MRGPRX3: variants seen among roughly 807,000 people sequenced by gnomAD.
MRGPRX3 encodes the protein mas-related G protein-coupled receptor member X3.
In MRGPRX3, 14 loss-of-function variants were observed where a neutral mutation model predicts 16.5. That is an observed-to-expected ratio of 0.85 (90% CI 0.56 to 1.33). The LOEUF is 1.33. MRGPRX3 is among the 40% of genes most tolerant of loss of function. The pLI is 0.00. For synonymous variants in MRGPRX3, 199 were observed against 180.1 expected (o/e 1.10, Z -0.84); for missense variants, 449 against 413.0 (o/e 1.09, Z -0.76).
chr11:18,132,630 C>CTG lies in MRGPRX3; in HGVS notation c.-134_-133dup, dbSNP rs1196897122. On this transcript the variant is annotated 5_prime_UTR_variant, in exon 1 of 2. Transcript: ENST00000621697. ...TCATTTCAGCTCCTGTAGGCATCTC[C>CTG]TGAATTAAGCAACACAGAAAAGTCC... 6.6e-6 allele frequency: 1 copy of CTG among 152,224 alleles called. No homozygotes were observed. The highest frequency in any genetic ancestry group is 2.4e-5 in the African/African-American group (1 of 41,434). The allele number at this position is 152,224 out of a possible 1,614,324, so 9.4% of individuals were successfully genotyped here.
At chr11:18,121,702 C>A (rs866646941) in intron 1 of MRGPRX3, among the ~76,000 whole-genome samples, 8 of 152,280 alleles carry the variant, frequency 5.3e-5, no homozygotes, top group Non-Finnish European at 1.0e-4. Flanking sequence ...GACCTTACCC[C>A]CAACCCTGTG....
intron 1 of MRGPRX3, among the ~76,000 whole-genome samples, chr11:18,135,312 A>G (rs988935447): frequency 4.6e-5 from 7 of 152,212 alleles, no homozygotes; most frequent in African/African-American, 1.7e-4. Context: ...AGACAAACAT[A>G]TCATACCATA....
chr11:18,129,143 C>T (rs544400445), upstream of MRGPRX3, among the ~76,000 whole-genome samples: 4 of 152,174 alleles, frequency 2.6e-5, no homozygotes, highest in South Asian at 6.2e-4. Context: ...ACTAGAGAAG[C>T]AAGAACAAAC....
intron 1 of MRGPRX3, among the ~76,000 whole-genome samples, chr11:18,135,781 C>G (rs1285819780): frequency 1.3e-5 from 2 of 152,056 alleles, no homozygotes; most frequent in African/African-American, 4.8e-5. Context: ...GGTGCTGGGT[C>G]CAAAGGGCTG....
At chr11:18,127,381 C>G (rs1417618250) in intron 1 of MRGPRX3, among the ~76,000 whole-genome samples, 1 of 152,182 alleles carries the variant, frequency 6.6e-6, no homozygotes, top group Non-Finnish European at 1.5e-5. Context: ...AGCTTGGTTC[C>G]ATTCTCCCCG....
At chr11:18,130,201 A>G (rs189694482), upstream of MRGPRX3, among the ~76,000 whole-genome samples, 2 of 152,294 alleles carry the variant, frequency 1.3e-5, no homozygotes, top group Admixed American at 6.5e-5. Context: ...AGAGAAAGAA[A>G]TCAAGGGCAC....
upstream of MRGPRX3, among the ~76,000 whole-genome samples, chr11:18,131,288 G>A (rs1450116883): frequency 6.6e-6 from 1 of 152,174 alleles, no homozygotes; most frequent in Middle Eastern, 3.4e-3. Context: ...CTAAGCATCT[G>A]ACCAAGGACT....
In MRGPRX3 at chr11:18,137,322, C is replaced by T. The variant is rs769176341; in HGVS notation, c.120C>T (p.Val40=). The T allele has an allele frequency of 8.1e-6, 13 of 1,614,026 alleles. No individual in the cohort carries two copies. The highest frequency in any genetic ancestry group is 2.2e-5 in the East Asian group (1 of 44,886). Reference sequence around the variant, plus strand: ...GGCTGACGTGCATCGTTTCCCTTGTCGCGCTGACAGGAAACGCGGTTGTGC... The same window carrying T: ...GGCTGACGTGCATCGTTTCCCTTGTTGCGCTGACAGGAAACGCGGTTGTGC... ...FTGLTCIVSL[V]ALTGNAVVLW... The change falls in exon 2 of 2, where the codon GTC becomes GTT. Residue 40 remains valine (V), a synonymous_variant. Coordinates refer to ENST00000621697, the MANE Select transcript of MRGPRX3 (RefSeq NM_001370464.1).
chr11:18,122,027 GA>G (rs57582114), intron 1 of MRGPRX3, among the ~76,000 whole-genome samples: 23 of 137,364 alleles, frequency 1.7e-4, no homozygotes, highest in African/African-American at 5.4e-4. Flanking sequence ...AAGAAAAAAA[GA>G]AAAAAAAAAA....
chr11:18,122,252 T>C (rs1848847917), intron 1 of MRGPRX3, among the ~76,000 whole-genome samples: 1 of 152,158 alleles, frequency 6.6e-6, no homozygotes, highest in Non-Finnish European at 1.5e-5. Context: ...GTGCACAACA[T>C]GGAGGTTTGT....
chr11:18,135,165 T>A lies in MRGPRX3; in HGVS notation c.-25-2013T>A, dbSNP rs576729160. Among the ~76,000 whole-genome samples the A allele has an allele frequency of 4.1e-4, 62 of 152,354 alleles. 1 individual carries two copies. The highest frequency in any genetic ancestry group is 3.4e-3 in the Middle Eastern group (1 of 294). On this transcript the variant is annotated intron_variant, in intron 1 of 1. Transcript: ENST00000621697. ...TTCTCTAGGCCTTAGCTTCATCTTA[T>A]GTTATATGAGGATAATACCATAGAC... is the stretch of plus-strand genomic sequence containing the variant.
At chr11:18,127,619 C>G (rs199860827), upstream of MRGPRX3, among the ~76,000 whole-genome samples, 2 of 144,556 alleles carry the variant, frequency 1.4e-5, no homozygotes, top group Non-Finnish European at 3.1e-5. Flanking sequence ...TTTTCAGCTC[C>G]ATCAGGTCCT....
At chr11:18,136,123 A>G (rs186633532) in intron 1 of MRGPRX3, among the ~76,000 whole-genome samples, 1 of 152,222 alleles carries the variant, frequency 6.6e-6, no homozygotes, top group Non-Finnish European at 1.5e-5. Flanking sequence ...TGCATCAACA[A>G]AGAAACGCTA....
intron 1 of MRGPRX3, among the ~76,000 whole-genome samples, chr11:18,124,015 T>G (rs896993754): frequency 2.6e-5 from 4 of 152,226 alleles, no homozygotes; most frequent in African/African-American, 4.8e-5. Context: ...ACAAGAATGC[T>G]CTTGATTTTT....
chr11:18,129,588 A>G (rs567196703), upstream of MRGPRX3, among the ~76,000 whole-genome samples: 1 of 152,340 alleles, frequency 6.6e-6, no homozygotes, highest in Admixed American at 6.5e-5. Context: ...ATGTATTCAC[A>G]GCTGAATTCT....
chr11:18,126,858 A>G (rs1848902680), intron 1 of MRGPRX3, among the ~76,000 whole-genome samples: 1 of 152,182 alleles, frequency 6.6e-6, no homozygotes, highest in Non-Finnish European at 1.5e-5. Context: ...TCCATGGTGT[A>G]TATGTGCCAC....
chr11:18,122,659 G>A (rs1848851790), intron 1 of MRGPRX3, among the ~76,000 whole-genome samples: 1 of 152,206 alleles, frequency 6.6e-6, no homozygotes, highest in South Asian at 2.1e-4. Context: ...GTGTGCATGT[G>A]TCTTTATAGC....
chr11:18,137,338 G>T lies in MRGPRX3; in HGVS notation c.136G>T (p.Ala46Ser). 1.9e-6 allele frequency: 3 copies of T among 1,614,174 alleles called. No individual in the cohort carries two copies. The highest frequency in any genetic ancestry group is 2.5e-6 in the Non-Finnish European group (3 of 1,180,038). The change falls in exon 2 of 2, where the codon GCG becomes TCG. Residue 46 changes from alanine (A) to serine (S), a missense_variant. Ala to Ser is a moderately conservative substitution (Grantham distance 99, BLOSUM62 1). Coordinates refer to ENST00000621697, the MANE Select transcript of MRGPRX3 (RefSeq NM_001370464.1). ...TTCCCTTGTCGCGCTGACAGGAAACGCGGTTGTGCTCTGGCTCCTGGGCTG... is the reference window on the plus strand; with the variant it reads ...TTCCCTTGTCGCGCTGACAGGAAACTCGGTTGTGCTCTGGCTCCTGGGCTG... ...IVSLVALTGN[A>S]VVLWLLGCRM...
chr11:18,123,930 T>A (rs1274839731), intron 1 of MRGPRX3, among the ~76,000 whole-genome samples: 23 of 152,244 alleles, frequency 1.5e-4, no homozygotes, highest in African/African-American at 5.1e-4. Flanking sequence ...ATTCCTAGGT[T>A]CTTTATTCTC....
Sources: gnomAD v4.1 joint callset for allele counts (sites outside exome capture counted in the v4.1 genomes callset) on GRCh38, gnomAD v4.1.1 for gene constraint, MANE v1.5 for transcripts, NCBI Gene and HGNC (gene_info 2026-07-23, HGNC 2026-07-21) for gene names.